SIPA1L1: variants seen among roughly 807,000 people sequenced by gnomAD.
The protein encoded by SIPA1L1 is signal induced proliferation associated 1 like 1, also known as signal-induced proliferation-associated 1-like protein 1.
Under a neutral mutation model 162.7 loss-of-function variants are expected in SIPA1L1, and 26 were observed. The observed-to-expected ratio is 0.16, with a 90% CI of 0.12 to 0.22. The LOEUF (loss-of-function observed/expected upper bound fraction) is 0.22, where lower values mean the gene tolerates loss of function less well. Among genes scored for constraint, SIPA1L1 ranks in the 10% least tolerant of loss-of-function variants. The pLI is 1.00. For synonymous variants in SIPA1L1, 829 were observed against 837.4 expected, an observed-to-expected ratio of 0.99 and a Z score of 0.17; for missense variants, 1,874 against 2,241.0, an observed-to-expected ratio of 0.84 and a Z score of 3.31.
At chr14:71,347,584 C>T (rs886589630) in intron 2 of SIPA1L1, among the ~76,000 whole-genome samples, 2 of 152,148 alleles carry the variant, frequency 1.3e-5, no homozygotes, top group African/African-American at 4.8e-5. Context: ...GAGGAACTGC[C>T]GGACTGTTTT....
At chr14:71,682,471 G>A (rs1469234580) in intron 12 of SIPA1L1, among the ~76,000 whole-genome samples, 2 of 152,330 alleles carry the variant, frequency 1.3e-5, no homozygotes, top group South Asian at 2.1e-4. Flanking sequence ...AAGGCAATCA[G>A]AAATGGCGAG....
intron 2 of SIPA1L1, among the ~76,000 whole-genome samples, chr14:71,379,288 ACTTT>A (rs538225645): frequency 3.8e-4 from 56 of 147,932 alleles, no homozygotes; most frequent in Middle Eastern, 3.5e-3. Flanking sequence ...TTACATTAAG[ACTTT>A]CTTTCTTTCT....
At chr14:71,385,326 A>G (rs1481934054) in intron 2 of SIPA1L1, among the ~76,000 whole-genome samples, 1 of 152,160 alleles carries the variant, frequency 6.6e-6, no homozygotes, top group African/African-American at 2.4e-5. Context: ...ACTAAAGGAA[A>G]GTAGGTAGGT....
At chr14:71,481,541 A>G (rs1478401050) in intron 2 of SIPA1L1, among the ~76,000 whole-genome samples, 1 of 152,224 alleles carries the variant, frequency 6.6e-6, no homozygotes, top group African/African-American at 2.4e-5. Context: ...CCCCAAAAAA[A>G]GAGAGGCTAA....
chr14:71,733,205 T>C (rs779733548), intron 20 of SIPA1L1, among the ~76,000 whole-genome samples: 1 of 152,104 alleles, frequency 6.6e-6, no homozygotes, highest in African/African-American at 2.4e-5. Flanking sequence ...AGTGAGAATA[T>C]GTCTCAAAAA....
chr14:71,439,622 A>T (rs967501481), intron 2 of SIPA1L1, among the ~76,000 whole-genome samples: 4 of 152,258 alleles, frequency 2.6e-5, no homozygotes, highest in Admixed American at 2.6e-4. Flanking sequence ...AGAAAAGAAT[A>T]TTAAAGTGTC....
At chr14:71,321,966 G>T (rs1427268800) in intron 2 of SIPA1L1, among the ~76,000 whole-genome samples, 1 of 152,210 alleles carries the variant, frequency 6.6e-6, no homozygotes, top group Admixed American at 6.5e-5. Context: ...AGCATTTGGG[G>T]ATTGATGGCT....
intron 2 of SIPA1L1, among the ~76,000 whole-genome samples, chr14:71,465,697 G>T (rs1321684107): frequency 1.3e-5 from 2 of 152,110 alleles, no homozygotes; most frequent in African/African-American, 4.8e-5. Flanking sequence ...ACCACTCTTG[G>T]TACCAAAATC....
intron 2 of SIPA1L1, among the ~76,000 whole-genome samples, chr14:71,376,524 C>A (rs1004340217): frequency 1.9e-4 from 29 of 150,938 alleles, no homozygotes; most frequent in African/African-American, 6.6e-4. Flanking sequence ...TTAAGTATTC[C>A]TTTTTCTTTT....
Position 71,566,519 on chromosome 14 carries a change from C to T in SIPA1L1, c.-302-21052C>T, listed in dbSNP as rs79458698. ...TTTGAATTGGTGTGGCATTAGCACACGGAGAGAGAAATGCACCATCAAAAC... is the reference window on the plus strand; with the variant it reads ...TTTGAATTGGTGTGGCATTAGCACATGGAGAGAGAAATGCACCATCAAAAC... On this transcript the variant is annotated intron_variant, in intron 4 of 23. Coordinates refer to ENST00000381232, the MANE Select transcript of SIPA1L1 (RefSeq NM_001386936.1). 0.012 allele frequency among the ~76,000 whole-genome samples: 1,834 copies of T among 152,064 alleles called. 153 individuals carry two copies. In the East Asian group the frequency reaches 0.22, roughly 18 times the overall value.
At chr14:71,502,255 A>AAAAAAAATATATATAT (rs67020418) in intron 2 of SIPA1L1, among the ~76,000 whole-genome samples, 2 of 97,556 alleles carry the variant, frequency 2.1e-5, no homozygotes, top group African/African-American at 9.1e-5. Context: ...AAAAAAAAAA[A>AAAAAAAATATATATAT]ATATATATAT....
intron 23 of SIPA1L1, among the ~76,000 whole-genome samples, 160 bp downstream of exon 23, chr14:71,738,485 A>T (rs2085518885): frequency 6.6e-6 from 1 of 152,216 alleles, no homozygotes; most frequent in Non-Finnish European, 1.5e-5. Flanking sequence ...TGGAACACAC[A>T]GCATGAGGAG....
intron 3 of SIPA1L1, among the ~76,000 whole-genome samples, chr14:71,523,131 A>C (rs2052526184): frequency 6.6e-6 from 1 of 150,754 alleles, no homozygotes; most frequent in Non-Finnish European, 1.5e-5. Context: ...TCACATTTTA[A>C]ATTTCTCGAT....
intron 2 of SIPA1L1, among the ~76,000 whole-genome samples, chr14:71,487,561 A>G (rs998496271): frequency 9.9e-5 from 15 of 152,190 alleles, no homozygotes; most frequent in Admixed American, 4.6e-4. Context: ...GTAGGTACCC[A>G]TTAAATATGT....
At chr14:71,666,544 G>A (rs1003101857) in intron 10 of SIPA1L1, among the ~76,000 whole-genome samples, 1 of 152,136 alleles carries the variant, frequency 6.6e-6, no homozygotes, top group Admixed American at 6.5e-5. Context: ...AACTAAAATA[G>A]TAATAAGTAG....
chr14:71,634,880 G>A (rs1159944084), intron 7 of SIPA1L1, among the ~76,000 whole-genome samples: 3 of 151,662 alleles, frequency 2.0e-5, no homozygotes, highest in Non-Finnish European at 4.4e-5. Context: ...AGCTTGCAGT[G>A]AGCAGAGATC....
At chr14:71,425,222 T>TA (rs1256806254) in intron 2 of SIPA1L1, among the ~76,000 whole-genome samples, 2 of 152,204 alleles carry the variant, frequency 1.3e-5, no homozygotes, top group African/African-American at 4.8e-5. Flanking sequence ...TCTGTTTCCT[T>TA]AATTTTCTCT....
At chr14:71,599,404 G>C (rs1180036892) in intron 5 of SIPA1L1, among the ~76,000 whole-genome samples, 2 of 150,486 alleles carry the variant, frequency 1.3e-5, no homozygotes, top group Admixed American at 6.6e-5. Context: ...CACCCGCCTC[G>C]GCCTCGCAAA....
chr14:71,579,505 G>A (rs967168842), intron 4 of SIPA1L1, among the ~76,000 whole-genome samples: 5 of 152,222 alleles, frequency 3.3e-5, no homozygotes, highest in African/African-American at 4.8e-5. Flanking sequence ...GGGTGACAGA[G>A]TCCTGCTGTC....
Sources: allele counts gnomAD v4.1 joint callset (sites outside exome capture counted in the v4.1 genomes callset), GRCh38; gene constraint gnomAD v4.1.1; transcripts MANE v1.5; gene names NCBI Gene and HGNC (gene_info 2026-07-23, HGNC 2026-07-21).